The following MAP1B variants were observed in gnomAD, a reference collection of about 807,000 sequenced individuals.
MAP1B encodes microtubule-associated protein 1B.
In MAP1B, 12 loss-of-function variants were observed where a neutral mutation model predicts 176.1. The observed-to-expected ratio is 0.07, with a 90% CI of 0.04 to 0.11. The LOEUF (loss-of-function observed/expected upper bound fraction) is 0.11. Ranked by LOEUF, MAP1B falls within the 10% of genes least tolerant of loss-of-function variation. The pLI is 1.00. For missense variants in MAP1B, 2,523 were observed against 2,990.5 expected, an observed-to-expected ratio of 0.84 and a Z score of 3.65; for synonymous variants, 1,044 against 1,135.0, an observed-to-expected ratio of 0.92 and a Z score of 1.61.
Position 72,198,582 on chromosome 5 carries a change from TCTC to T in MAP1B, c.5231_5233del (p.Pro1744del), listed in dbSNP as rs748775718. 1.2e-6 allele frequency: 2 copies of T among 1,613,864 alleles called. No homozygotes were observed. Among genetic ancestry groups the T allele is most frequent in the East Asian group, 4.5e-5 (2 of 44,882 alleles). ...TGCTCATACCCCTTCTCAGATCGCT[TCTC>T]CTCTCCAAGAAGATACTCTATCCGA... On this transcript the variant is annotated inframe_deletion, in exon 5 of 7. Coordinates refer to ENST00000296755, the MANE Select transcript of MAP1B (RefSeq NM_005909.5).
chr5:72,169,249 T>C (rs1407320643), intron 2 of MAP1B, among the ~76,000 whole-genome samples: 1 of 152,172 alleles, frequency 6.6e-6, no homozygotes, highest in Non-Finnish European at 1.5e-5. Flanking sequence ...CACAAACAAC[T>C]CCTGACACTT....
chr5:72,202,239 G>C (rs1025935842), intron 5 of MAP1B, among the ~76,000 whole-genome samples: 13 of 152,208 alleles, frequency 8.5e-5, no homozygotes, highest in Admixed American at 2.0e-4. Flanking sequence ...ATTTAGAGTA[G>C]AGGGCGAAAT....
At position 72,115,911 on chromosome 5, in the gene MAP1B, TG is replaced by T; in HGVS notation, c.286+113del. The T allele has an allele frequency of 6.9e-6, 5 of 729,620 alleles. 1 individual carries two copies. In the South Asian group the frequency reaches 7.8e-5, roughly 11 times the overall value. The allele number at this position is 729,620 out of a possible 1,614,324, so 45.2% of individuals were successfully genotyped here. A position where few individuals can be genotyped will look rare whatever the true frequency, so the allele number is the denominator to read the frequency against. ...CTCTCTTATTGCTAAAAGGATACTT[TG>T]TATTTGTTATTATCAACTAGGTTAG... On this transcript the variant is annotated intron_variant, in intron 2 of 6. Coordinates refer to ENST00000296755, the MANE Select transcript of MAP1B (RefSeq NM_005909.5).
At chr5:72,180,089 G>T (rs1382954984) in intron 2 of MAP1B, among the ~76,000 whole-genome samples, 5 of 152,096 alleles carry the variant, frequency 3.3e-5, no homozygotes, top group Non-Finnish European at 7.4e-5. Flanking sequence ...GGCTGCTGTC[G>T]CCTGGACATG....
intron 2 of MAP1B, among the ~76,000 whole-genome samples, chr5:72,123,907 A>G (rs1315158113): frequency 1.3e-5 from 2 of 152,210 alleles, no homozygotes. Context: ...TTGAGATTAC[A>G]GGTGTGAGTC....
chr5:72,155,766 C>CTTTTTTTTTT (rs11330287), intron 2 of MAP1B, among the ~76,000 whole-genome samples: 1 of 126,570 alleles, frequency 7.9e-6, no homozygotes, highest in Non-Finnish European at 1.6e-5. Context: ...ATTTTCTTTT[C>CTTTTTTTTTT]TTTTTTTTTT....
At chr5:72,108,223 CA>C (rs1316764785) in intron 1 of MAP1B, among the ~76,000 whole-genome samples, 1 of 152,236 alleles carries the variant, frequency 6.6e-6, no homozygotes, top group Non-Finnish European at 1.5e-5. Context: ...TTTCTGATTT[CA>C]AACCTCCCGA....
At position 72,203,548 on chromosome 5, in the gene MAP1B, G is replaced by A; in HGVS notation, c.7013-15G>A. On this transcript the variant is annotated splice_polypyrimidine_tract_variant and intron_variant, in intron 5 of 6. Coordinates refer to ENST00000296755, the MANE Select transcript of MAP1B (RefSeq NM_005909.5). ...CTTGCTATGACCTTGCTTTGTCTTT[G>A]TTTATTTACCCAAGGACCAGGAACT... 1 of 1,600,092 alleles carries A rather than the reference G, an allele frequency of 6.2e-7. No homozygotes were observed. Among genetic ancestry groups the A allele is most frequent in the Non-Finnish European group, 8.6e-7 (1 of 1,167,280 alleles).
At chr5:72,132,714 C>T (rs1292703201) in intron 2 of MAP1B, among the ~76,000 whole-genome samples, 4 of 152,308 alleles carry the variant, frequency 2.6e-5, no homozygotes, top group Admixed American at 1.3e-4. Flanking sequence ...ATAGTGGCAA[C>T]GTCTGCATCT....
intron 2 of MAP1B, among the ~76,000 whole-genome samples, chr5:72,162,035 T>A (rs936609458): frequency 6.7e-6 from 1 of 150,058 alleles, no homozygotes; most frequent in Non-Finnish European, 1.5e-5. Context: ...AGAAACCTTA[T>A]GAAGAGCTAG....
chr5:72,110,066 A>G (rs1331833699), intron 1 of MAP1B, among the ~76,000 whole-genome samples: 5 of 152,206 alleles, frequency 3.3e-5, no homozygotes, highest in African/African-American at 1.2e-4. Flanking sequence ...TCTTCTTGAC[A>G]TTAATTTTTT....
At chr5:72,168,278 G>A (rs1178977131) in intron 2 of MAP1B, among the ~76,000 whole-genome samples, 10 of 152,236 alleles carry the variant, frequency 6.6e-5, no homozygotes, top group Non-Finnish European at 1.2e-4. Flanking sequence ...TTCTGGGCAG[G>A]AATCAGATGT....
At chr5:72,162,254 A>ATAATGGCAGAAATATTT (rs1290639608) in intron 2 of MAP1B, among the ~76,000 whole-genome samples, 1 of 152,204 alleles carries the variant, frequency 6.6e-6, no homozygotes, top group Non-Finnish European at 1.5e-5. Flanking sequence ...AAGAACCAAA[A>ATAATGGCAGAAATATTT]TAATGGCAGA....
chr5:72,174,478 AAG>A (rs1746611304), intron 2 of MAP1B, among the ~76,000 whole-genome samples: 1 of 152,152 alleles, frequency 6.6e-6, no homozygotes, highest in Non-Finnish European at 1.5e-5. Flanking sequence ...AAACAAGAGG[AAG>A]AGAGAGGGGA....
At chr5:72,203,914 G>A in intron 6 of MAP1B, 113 bp downstream of exon 6, 1 of 832,186 alleles carries the variant, frequency 1.2e-6, no homozygotes, top group Non-Finnish European at 1.9e-6. Flanking sequence ...TCCACATGAG[G>A]TGCCTCCTGT....
chr5:72,124,827 C>T (rs906483336), intron 2 of MAP1B, among the ~76,000 whole-genome samples: 1 of 152,196 alleles, frequency 6.6e-6, no homozygotes, highest in Non-Finnish European at 1.5e-5. Context: ...AACAGCTATT[C>T]CCCTGAGGGA....
intron 5 of MAP1B, among the ~76,000 whole-genome samples, chr5:72,201,230 G>C (rs1181038741): frequency 2.5e-5 from 2 of 80,488 alleles, no homozygotes; most frequent in East Asian, 8.7e-4. Flanking sequence ...TAATTAGCTG[G>C]GTGTGGTGGC....
chr5:72,176,853 C>G (rs1398397988), intron 2 of MAP1B, among the ~76,000 whole-genome samples: 1 of 152,216 alleles, frequency 6.6e-6, no homozygotes, highest in Non-Finnish European at 1.5e-5. Context: ...AAGCCTCAGG[C>G]TGAGATGTGC....
At chr5:72,193,636 G>A (rs1747077155) in intron 4 of MAP1B, among the ~76,000 whole-genome samples, 1 of 152,132 alleles carries the variant, frequency 6.6e-6, no homozygotes, top group African/African-American at 2.4e-5. Context: ...AGTGGGTACT[G>A]GTTGAGGTAG....
Sources: gnomAD v4.1 joint callset for allele counts (sites outside exome capture counted in the v4.1 genomes callset) on GRCh38, gnomAD v4.1.1 for gene constraint, MANE v1.5 for transcripts, NCBI Gene and HGNC (gene_info 2026-07-23, HGNC 2026-07-21) for gene names.